RNF157: variants seen among roughly 807,000 people sequenced by gnomAD.
RNF157 encodes ring finger protein 157, also known as E3 ubiquitin ligase RNF157.
In RNF157, 55 loss-of-function variants were observed where a neutral mutation model predicts 88.3. The ratio of observed to expected loss-of-function variants is 0.62; its 90% CI spans 0.50 to 0.78. The LOEUF is 0.78. Among genes scored for constraint, RNF157 ranks in the 30% least tolerant of loss-of-function variants. The pLI, the probability that RNF157 is intolerant of heterozygous loss-of-function variation, is 0.00. For synonymous variants in RNF157, 334 were observed against 341.2 expected (o/e 0.98, Z 0.23); for missense variants, 788 against 860.8 (o/e 0.92, Z 1.06).
chr17:76,228,807 G>T (rs888236927), intron 1 of RNF157, among the ~76,000 whole-genome samples: 2 of 151,932 alleles, frequency 1.3e-5, no homozygotes, highest in Non-Finnish European at 2.9e-5. Context: ...TGTAATCCCA[G>T]CTACTCGGGA....
intron 2 of RNF157, among the ~76,000 whole-genome samples, chr17:76,209,701 A>G (rs2069748209): frequency 6.6e-6 from 1 of 152,196 alleles, no homozygotes; most frequent in Non-Finnish European, 1.5e-5. Context: ...AAGGAAAAAG[A>G]CAGAAACAGA....
chr17:76,145,228 C>G lies in RNF157; in HGVS notation c.*7G>C, dbSNP rs549885834. 223 of 1,583,678 alleles carry G rather than the reference C, an allele frequency of 1.4e-4. 1 individual carries two copies. The South Asian group carries it at 2.4e-3, about 17-fold the overall frequency. The stretch of plus-strand genomic sequence containing the variant: ...CAGGAGGGGAGCCCAAGTGCAGAGG[C>G]TGGGGCTCAGACAGCCAAAGGGCCC... On this transcript the variant is annotated 3_prime_UTR_variant, in exon 19 of 19. Transcript: ENST00000269391.
chr17:76,238,369 T>C (rs566532980), intron 1 of RNF157, among the ~76,000 whole-genome samples: 2 of 152,370 alleles, frequency 1.3e-5, no homozygotes, highest in East Asian at 1.9e-4. Context: ...TTCTCTCATG[T>C]ATAACTTCTG....
chr17:76,162,180 G>C, intron 9 of RNF157, 178 bp from the exon 10 acceptor site: 1 of 654,618 alleles, frequency 1.5e-6, no homozygotes, highest in Non-Finnish European at 2.6e-6. Flanking sequence ...ACTTCTTCTG[G>C]GAAGTGTTTA....
At chr17:76,155,491 T>C (rs1166046470) in intron 15 of RNF157, 71 bp downstream of exon 15, 5 of 1,566,334 alleles carry the variant, frequency 3.2e-6, no homozygotes, top group Non-Finnish European at 3.5e-6. Flanking sequence ...ATGGCAGACC[T>C]TTGGTTATGC....
chr17:76,183,835 C>T (rs1226826698), intron 2 of RNF157, among the ~76,000 whole-genome samples: 1 of 151,504 alleles, frequency 6.6e-6, no homozygotes, highest in Non-Finnish European at 1.5e-5. Context: ...ACAAAAAACC[C>T]AAAATACCAA....
Position 76,196,379 on chromosome 17 carries a change from G to A in RNF157, c.207+15985C>T, listed in dbSNP as rs181789521. Among the ~76,000 whole-genome samples, 41 of 152,358 alleles carry A rather than the reference G, an allele frequency of 2.7e-4. 1 individual carries two copies. The highest frequency in any genetic ancestry group is 1.0e-3 in the Admixed American group (16 of 15,308). ...TAGAGGTAACAACAGGAAAGGAGCAGAAGGGGAGCTTCTGGGGGTGCTGGC... is the reference window on the plus strand; with the variant it reads ...TAGAGGTAACAACAGGAAAGGAGCAAAAGGGGAGCTTCTGGGGGTGCTGGC... On this transcript the variant is annotated intron_variant, in intron 2 of 18. Transcript: ENST00000269391.
At chr17:76,228,672 C>T (rs2145070327) in intron 1 of RNF157, among the ~76,000 whole-genome samples, 1 of 152,308 alleles carries the variant, frequency 6.6e-6, no homozygotes, top group East Asian at 1.9e-4. Flanking sequence ...CCTGTAATCC[C>T]AGCACTTTGG....
intron 1 of RNF157, among the ~76,000 whole-genome samples, chr17:76,227,119 T>TG (rs1190769524): frequency 1.4e-5 from 2 of 147,710 alleles, no homozygotes; most frequent in Non-Finnish European, 3.0e-5. Context: ...CTTTTTTTGT[T>TG]TTTTTTTTTT....
intron 2 of RNF157, among the ~76,000 whole-genome samples, chr17:76,184,218 C>T (rs2069244873): frequency 6.7e-6 from 1 of 148,970 alleles, no homozygotes; most frequent in South Asian, 2.1e-4. Flanking sequence ...GCAAAGTACA[C>T]ATTTTGTATA....
chr17:76,162,126 AT>A (rs2144838564), intron 9 of RNF157, 124 bp from the exon 10 acceptor site: 2 of 974,316 alleles, frequency 2.1e-6, no homozygotes, highest in Non-Finnish European at 1.5e-6. Flanking sequence ...CTGCATTGAC[AT>A]TGGACTTTGT....
chr17:76,173,261 G>A (rs188902667), intron 3 of RNF157, among the ~76,000 whole-genome samples: 1,552 of 152,124 alleles, frequency 0.01, 21 homozygotes, highest in African/African-American at 0.035. Context: ...ACTCCAGCCT[G>A]GGTGACAGAG....
chr17:76,200,030 G>A (rs536427814), intron 2 of RNF157, among the ~76,000 whole-genome samples: 1 of 152,104 alleles, frequency 6.6e-6, no homozygotes, highest in African/African-American at 2.4e-5. Context: ...GAGGTCAGGA[G>A]ATCGAGACCA....
rs1395655640 is a variant in RNF157, at chr17:76,142,902, C to T, written c.*2333G>A. On this transcript the variant is annotated 3_prime_UTR_variant, in exon 19 of 19. Transcript: ENST00000269391. ...TGCAGCAGGAAGGAGCCCTGGGTCT[C>T]CATAGTTAGGCTGTGCCCTGTGGGA... 6.6e-6 allele frequency: 1 copy of T among 152,330 alleles called. No homozygotes were observed. Among genetic ancestry groups the T allele is most frequent in the Admixed American group, 6.5e-5 (1 of 15,278 alleles). The allele number at this position is 152,330 out of a possible 1,614,324, so 9.4% of individuals were successfully genotyped here.
At chr17:76,210,010 G>C (rs1394621520) in intron 2 of RNF157, among the ~76,000 whole-genome samples, 1 of 151,900 alleles carries the variant, frequency 6.6e-6, no homozygotes. Flanking sequence ...CGCCCGCCTC[G>C]GCCTCCCAGA....
chr17:76,215,952 A>G (rs1036381312), intron 1 of RNF157, among the ~76,000 whole-genome samples: 6 of 152,228 alleles, frequency 3.9e-5, no homozygotes, highest in African/African-American at 1.4e-4. Context: ...TTCCAAGTGC[A>G]TAATTTATGG....
Position 76,146,319 on chromosome 17 carries a change from TGA to T in RNF157, c.1922-968_1922-967del, listed in dbSNP as rs1449250971. On this transcript the variant is annotated intron_variant, in intron 18 of 18. Transcript: ENST00000269391. This position sits in a 1 kb window ranked among gnomAD's most constrained non-coding sequence, Gnocchi z 4.2. Reference sequence around the variant, plus strand: ...TCACGGGCTTGCTGTGAGGACTAGATGAGAGAATGCGAGCGTTGGTGAGTATC... The same window carrying T: ...TCACGGGCTTGCTGTGAGGACTAGATGAGAATGCGAGCGTTGGTGAGTATC... 1 of 983,946 alleles carries T rather than the reference TGA, an allele frequency of 1.0e-6. No homozygotes were observed. 61.0% of individuals were successfully genotyped at this position (983,946 alleles called of 1,614,324 possible).
chr17:76,189,263 G>A (rs1444863406), intron 2 of RNF157, among the ~76,000 whole-genome samples: 2 of 152,224 alleles, frequency 1.3e-5, no homozygotes, highest in South Asian at 2.1e-4. Context: ...TTAACCTTAG[G>A]TGGAGCTGGA....
intron 2 of RNF157, among the ~76,000 whole-genome samples, chr17:76,208,492 G>T (rs778952008): frequency 1.3e-5 from 2 of 152,152 alleles, no homozygotes; most frequent in African/African-American, 4.8e-5. Context: ...AGACAACACA[G>T]ATGAAAAGCT....
Sources: allele counts gnomAD v4.1 joint callset (sites outside exome capture counted in the v4.1 genomes callset), GRCh38; gene constraint gnomAD v4.1.1; non-coding constraint Gnocchi (gnomAD v3.1); transcripts MANE v1.5; gene names NCBI Gene and HGNC (gene_info 2026-07-23, HGNC 2026-07-21).